Variants in RIC8A observed in about 807,000 individuals in gnomAD.
RIC8A encodes RIC8 guanine nucleotide exchange factor A.
RIC8A carries 37 observed loss-of-function variants against 48.4 expected under a neutral mutation model. The ratio of observed to expected loss-of-function variants is 0.77; its 90% CI spans 0.59 to 1.01. RIC8A has a LOEUF of 1.01. Ranked by LOEUF, RIC8A falls within the 50% of genes least tolerant of loss-of-function variation. The probability of loss-of-function intolerance (pLI) is 0.00; values close to 1 mark genes in which losing one functional copy is unlikely to be tolerated. For missense variants in RIC8A, 681 were observed against 696.8 expected (o/e 0.98, Z 0.25); for synonymous variants, 288 against 283.4 (o/e 1.02, Z -0.16).
chr11:209,076 C>T lies in RIC8A; in HGVS notation c.84+138C>T, dbSNP rs183891668. 3.9e-3 allele frequency: 4,016 copies of T among 1,042,144 alleles called. 89 individuals carry two copies. In the African/African-American group the frequency reaches 0.054, roughly 14 times the overall value. 64.6% of individuals were successfully genotyped at this position (1,042,144 alleles called of 1,614,324 possible). The stretch of plus-strand genomic sequence containing the variant: ...ACGCGGCGGGGTGCGGGGGGCAGGT[C>T]TGGGATGCAGTGTTGCGGGGAGAGT... On this transcript the variant is annotated intron_variant, in intron 1 of 9. Transcript: ENST00000526104.
intron 5 of RIC8A, 117 bp from the exon 6 acceptor site, chr11:212,299 T>C: frequency 1.9e-6 from 2 of 1,031,068 alleles, no homozygotes; most frequent in Non-Finnish European, 2.9e-6. Flanking sequence ...CCCAAACCTC[T>C]GCCGCCAGGA....
chr11:213,340 A>G lies in RIC8A; in HGVS notation c.1397A>G (p.Asn466Ser), dbSNP rs763263184. ...VTGRVEEKPP[N>S]PMEGMTEEQK... ...GGGAGGGTGGAGGAGAAGCCGCCTAACCCTATGGAGGGCATGACAGAGGAG... is the reference window on the plus strand; with the variant it reads ...GGGAGGGTGGAGGAGAAGCCGCCTAGCCCTATGGAGGGCATGACAGAGGAG... The change falls in exon 9 of 10, where the codon AAC (asparagine) becomes AGC (serine). Residue 466 changes from asparagine to serine, a missense_variant. Transcript: ENST00000526104. 16 of 1,613,732 alleles carry G rather than the reference A, an allele frequency of 9.9e-6. No individual in the cohort carries two copies. The highest frequency in any genetic ancestry group is 1.3e-5 in the Non-Finnish European group (15 of 1,179,870).
chr11:213,267 G>A (rs188506551), intron 8 of RIC8A, 32 bp from the exon 9 acceptor site: 2 of 1,613,352 alleles, frequency 1.2e-6, no homozygotes, highest in South Asian at 2.2e-5. Flanking sequence ...AGTCACTAAT[G>A]CATTCCCCAC....
At chr11:213,696 G>T in intron 9 of RIC8A, 1 of 316,756 alleles carries the variant, frequency 3.2e-6, no homozygotes, top group African/African-American at 2.2e-5. Context: ...TATAATCCCA[G>T]CACTTTGGGA....
intron 9 of RIC8A, 49 bp downstream of exon 9, chr11:213,467 G>A: frequency 1.3e-6 from 2 of 1,550,290 alleles, no homozygotes; most frequent in Non-Finnish European, 1.7e-6. Context: ...AGGGAGAGCT[G>A]ACCCACATCC....
rs375758041 is a variant in RIC8A, at chr11:212,621, C to T, written c.1072C>T (p.Pro358Ser). 1.9e-6 allele frequency: 3 copies of T among 1,613,936 alleles called. No individual in the cohort carries two copies. The highest frequency in any genetic ancestry group is 3.3e-5 in the Admixed American group (2 of 59,994). ...GGGATGGCCACCTCCCCAGGTGCTG[C>T]CCCCTCTGCGGGATGTGAGGACACG... ...ARKFLKAQVL[P>S]PLRDVRTRPE... The change falls in exon 7 of 10, where the codon CCC becomes TCC. Residue 358 changes from proline to serine, a missense_variant. Physicochemically the swap from Pro to Ser is moderately conservative, Grantham distance 74. Coordinates refer to ENST00000526104, the MANE Select transcript of RIC8A (RefSeq NM_001286134.2).
rs1197467737 is a variant in RIC8A at position 212,985 on chromosome 11, T to G, written c.1355+4T>G. The G allele has an allele frequency of 6.5e-6, 10 of 1,542,632 alleles. No homozygotes were observed. The highest frequency in any genetic ancestry group is 2.8e-5 in the African/African-American group (2 of 72,600). Reference sequence around the variant, plus strand: ...AGTACAAGGAAGCCAAAGCCAGGTGTGTACCCCCAACACACCCTCGGGTCT... The same window carrying G: ...AGTACAAGGAAGCCAAAGCCAGGTGGGTACCCCCAACACACCCTCGGGTCT... On this transcript the variant is annotated splice_donor_region_variant and intron_variant, in intron 8 of 9. Transcript: ENST00000526104.
At position 212,721 on chromosome 11, in the gene RIC8A, T is replaced by A; in HGVS notation, c.1172T>A (p.Val391Glu). ...CACCTGGACACAGATGTGAAGAGGGTGGCTGCCGAGTTCTTGTTTGTCCTG... is the reference window on the plus strand; with the variant it reads ...CACCTGGACACAGATGTGAAGAGGGAGGCTGCCGAGTTCTTGTTTGTCCTG... Reference protein sequence around the residue: ...MTHLDTDVKRVAAEFLFVLCS... With the variant: ...MTHLDTDVKREAAEFLFVLCS... The change falls in exon 7 of 10, where the codon GTG becomes GAG. Residue 391 changes from valine (V) to glutamate (E), a missense_variant. Coordinates refer to ENST00000526104, the MANE Select transcript of RIC8A (RefSeq NM_001286134.2). 6.2e-7 allele frequency: 1 copy of A among 1,614,028 alleles called. No homozygotes were observed. Among genetic ancestry groups the A allele is most frequent in the Non-Finnish European group, 8.5e-7 (1 of 1,180,022 alleles).
chr11:213,576 C>CT (rs1855431506), intron 9 of RIC8A, 158 bp downstream of exon 9: 16 of 943,122 alleles, frequency 1.7e-5, no homozygotes, highest in Non-Finnish European at 2.5e-5. Flanking sequence ...TGGAGGAAAT[C>CT]CCCCAGGGGA....
intron 9 of RIC8A, 59 bp downstream of exon 9, chr11:213,477 C>T: frequency 6.5e-7 from 1 of 1,546,986 alleles, no homozygotes; most frequent in Admixed American, 2.0e-5. Flanking sequence ...GACCCACATC[C>T]TGTCTTGTGA....
chr11:210,865 T>C (rs1018720625), intron 4 of RIC8A: 6 of 618,558 alleles, frequency 9.7e-6, no homozygotes, highest in Non-Finnish European at 1.7e-5. Flanking sequence ...GGCAACAGTA[T>C]GGTACTTACT....
rs1391259972 is a variant in RIC8A, at chr11:214,890, G to C, written c.*540G>C. On this transcript the variant is annotated 3_prime_UTR_variant, in exon 10 of 10. Coordinates refer to ENST00000526104, the MANE Select transcript of RIC8A (RefSeq NM_001286134.2). ...GTCTTCACTGAGCGCAGGGCTGGAG[G>C]CCTCTTAGACATTCTCCTTGGTCCT... The C allele has an allele frequency of 4.5e-6, 1 of 220,832 alleles. No individual in the cohort carries two copies. Among genetic ancestry groups the C allele is most frequent in the Non-Finnish European group, 9.1e-6 (1 of 109,878 alleles). 13.7% of individuals were successfully genotyped at this position (220,832 alleles called of 1,614,324 possible).
chr11:210,852 A>T, intron 4 of RIC8A, 190 bp downstream of exon 4: 1 of 634,416 alleles, frequency 1.6e-6, no homozygotes, highest in South Asian at 1.9e-5. Flanking sequence ...GGCCTTGGGT[A>T]GTGGCAACAG....
At chr11:210,478 A>G (rs1045064832) in intron 3 of RIC8A, 93 bp from the exon 4 acceptor site, 1 of 1,179,602 alleles carries the variant, frequency 8.5e-7, no homozygotes, top group Non-Finnish European at 1.3e-6. Context: ...AGTCATTGCC[A>G]CACAGTCCTG....
At chr11:212,134 G>A in intron 5 of RIC8A, 1 of 437,976 alleles carries the variant, frequency 2.3e-6, no homozygotes, top group Non-Finnish European at 4.2e-6. Context: ...CTGGTTTATA[G>A]TTGAAGTAAT....
chr11:208,350 C>T lies in RIC8A; in HGVS notation c.-505C>T, dbSNP rs1317260624. 2 of 153,338 alleles carry T rather than the reference C, an allele frequency of 1.3e-5. No individual in the cohort carries two copies. The highest frequency in any genetic ancestry group is 1.5e-5 in the Non-Finnish European group (1 of 68,656). The allele number at this position is 153,338 out of a possible 1,614,324, so 9.5% of individuals were successfully genotyped here. A position where few individuals can be genotyped will look rare whatever the true frequency, so the allele number is the denominator to read the frequency against. On this transcript the variant is annotated 5_prime_UTR_variant, in exon 1 of 10. Coordinates refer to ENST00000526104, the MANE Select transcript of RIC8A (RefSeq NM_001286134.2). This position sits in a 1 kb window ranked among gnomAD's most constrained non-coding sequence, Gnocchi z 4.8. ...GTGTCCTTTTGTTTTTCCTTGTCCC[C>T]CTTCCCCTCTGGAACATAAGCTCCA...
chr11:213,227 A>G, intron 8 of RIC8A, 72 bp from the exon 9 acceptor site: 2 of 1,592,580 alleles, frequency 1.3e-6, no homozygotes, highest in Non-Finnish European at 1.7e-6. Flanking sequence ...CCCCACTGGG[A>G]AAATAGGTGG....
rs771881457 is a variant in RIC8A at position 212,771 on chromosome 11, A to T, written c.1210+12A>T. 7 of 1,613,782 alleles carry T rather than the reference A, an allele frequency of 4.3e-6. No homozygotes were observed. The highest frequency in any genetic ancestry group is 1.1e-5 in the South Asian group (1 of 91,074). ...GTGCTCTGAGAGTGGTGAGTTATGG[A>T]GACCCAGGTCCCAGCCCACCCCACC... On this transcript the variant is annotated intron_variant, in intron 7 of 9. Transcript: ENST00000526104.
Position 208,562 on chromosome 11 carries a change from G to C in RIC8A, c.-293G>C. 2 of 328,142 alleles carry C rather than the reference G, an allele frequency of 6.1e-6. No homozygotes were observed. The highest frequency in any genetic ancestry group is 1.1e-5 in the Non-Finnish European group (2 of 181,520). The allele number at this position is 328,142 out of a possible 1,614,324, so 20.3% of individuals were successfully genotyped here. On this transcript the variant is annotated 5_prime_UTR_variant, in exon 1 of 10. Transcript: ENST00000526104. The surrounding 1 kb of genome is among the most constrained non-coding windows in gnomAD (Gnocchi z 4.8). The stretch of plus-strand genomic sequence containing the variant: ...ACGGTGGGGGCTGAGATCGTTTCCT[G>C]TTGGAACTTCTGGCCCAAGAAGCGC...
Sources: allele counts gnomAD v4.1 joint callset, GRCh38; gene constraint gnomAD v4.1.1; non-coding constraint Gnocchi (gnomAD v3.1); transcripts MANE v1.5; gene names NCBI Gene and HGNC (gene_info 2026-07-23, HGNC 2026-07-21).